Variants in WDR91 observed in about 807,000 individuals in gnomAD.
The protein encoded by WDR91 is WD repeat domain 91.
A neutral mutation model predicts 88.4 loss-of-function variants in WDR91; 52 were observed. That is an observed-to-expected ratio of 0.59 (90% CI 0.47 to 0.74). The LOEUF (loss-of-function observed/expected upper bound fraction) is 0.74. Among genes scored for constraint, WDR91 ranks in the 30% least tolerant of loss-of-function variants. The pLI is 0.00. For synonymous variants in WDR91, 362 were observed against 389.5 expected, an observed-to-expected ratio of 0.93 and a Z score of 0.83; for missense variants, 824 against 954.5, an observed-to-expected ratio of 0.86 and a Z score of 1.80.
intron 6 of WDR91, chr7:135,199,784 G>A (rs948593344): frequency 4.0e-5 from 6 of 151,852 alleles, no homozygotes; most frequent in Admixed American, 3.3e-4. Flanking sequence ...CCCCTCCACT[G>A]GATAATGGTG....
chr7:135,204,148 C>T (rs1182002378), intron 6 of WDR91, 120 bp downstream of exon 6: 8 of 1,152,912 alleles, frequency 6.9e-6, no homozygotes, highest in Non-Finnish European at 8.4e-6. Flanking sequence ...CATCAACATG[C>T]CCAAGAAATC....
rs1447032828 is a variant in WDR91, at chr7:135,183,912, A to G, written c.*2239T>C. The G allele has an allele frequency of 6.6e-6, 1 of 152,138 alleles. No homozygotes were observed. The highest frequency in any genetic ancestry group is 1.5e-5 in the Non-Finnish European group (1 of 68,028). The allele number at this position is 152,138 out of a possible 1,614,324, so 9.4% of individuals were successfully genotyped here. ...GTAAGAAGTGGGATGGGAGAAGCGTAGGGTTCAAATTTTCTTTGTGTCTCT... is the reference window on the plus strand; with the variant it reads ...GTAAGAAGTGGGATGGGAGAAGCGTGGGGTTCAAATTTTCTTTGTGTCTCT... On this transcript the variant is annotated 3_prime_UTR_variant, in exon 15 of 15. Transcript: ENST00000354475.
At position 135,202,312 on chromosome 7, in the gene WDR91, G is replaced by A. The variant is rs148941519; in HGVS notation, c.891+1956C>T. 12 of 152,236 alleles carry A rather than the reference G, an allele frequency of 7.9e-5. No homozygotes were observed. In the East Asian group the frequency reaches 2.1e-3, roughly 27 times the overall value. 9.4% of individuals were successfully genotyped at this position (152,236 alleles called of 1,614,324 possible). A position where few individuals can be genotyped will look rare whatever the true frequency, so the allele number is the denominator to read the frequency against. Reference sequence around the variant, plus strand: ...TCAAATCTACTAGTTATTTTTAGACGTGAAACATTAATGCTGAATCTAAAT... The same window carrying A: ...TCAAATCTACTAGTTATTTTTAGACATGAAACATTAATGCTGAATCTAAAT... On this transcript the variant is annotated intron_variant, in intron 6 of 14. Transcript: ENST00000354475.
Position 135,207,149 on chromosome 7 carries a change from G to T in WDR91, c.565C>A (p.Gln189Lys). The change falls in exon 4 of 15, where the codon CAA becomes AAA. Residue 189 changes from glutamine (Q) to lysine (K), a missense_variant. By Grantham distance (53) the Gln-to-Lys change is moderately conservative (BLOSUM62 1). Coordinates refer to ENST00000354475, the MANE Select transcript of WDR91 (RefSeq NM_014149.4). Reference sequence around the variant, plus strand: ...TGACGCAGAACTTCATTTTCTTCTTGAACCTGGTTAGTCCTCTGACACTCC... The same window carrying T: ...TGACGCAGAACTTCATTTTCTTCTTTAACCTGGTTAGTCCTCTGACACTCC... Reference protein sequence around the residue: ...DAECQRTNQVQEENEVLRQKL... With the variant: ...DAECQRTNQVKEENEVLRQKL... 1 of 1,608,206 alleles carries T rather than the reference G, an allele frequency of 6.2e-7. No individual in the cohort carries two copies. The highest frequency in any genetic ancestry group is 8.5e-7 in the Non-Finnish European group (1 of 1,175,914).
intron 9 of WDR91, among the ~76,000 whole-genome samples, chr7:135,194,102 A>G (rs1309682777): frequency 6.6e-6 from 1 of 152,082 alleles, no homozygotes; most frequent in Admixed American, 6.6e-5. Flanking sequence ...TTTTCAGGGG[A>G]CAGCTCTGGC....
Position 135,195,993 on chromosome 7 carries a change from C to A in WDR91, c.1244+151G>T, listed in dbSNP as rs1026498499. On this transcript the variant is annotated intron_variant, in intron 8 of 14. Transcript: ENST00000354475. The stretch of plus-strand genomic sequence containing the variant: ...GCAGACAGGCTGACCAGTCCACTGG[C>A]AGCTCCAACCGACTCCCATGACTCT... 3 of 645,412 alleles carry A rather than the reference C, an allele frequency of 4.6e-6. No individual in the cohort carries two copies. In the African/African-American group the frequency reaches 5.6e-5, roughly 12 times the overall value. The allele number at this position is 645,412 out of a possible 1,614,324, so 40.0% of individuals were successfully genotyped here.
At chr7:135,198,395 G>A (rs1831454392) in intron 6 of WDR91, 2 of 483,690 alleles carry the variant, frequency 4.1e-6, no homozygotes, top group East Asian at 6.4e-5. Flanking sequence ...TCTCTCATCT[G>A]GAGGAAGATG....
chr7:135,187,368 G>C (rs1268298366), intron 13 of WDR91, among the ~76,000 whole-genome samples, 199 bp from the exon 14 acceptor site: 1 of 152,222 alleles, frequency 6.6e-6, no homozygotes, highest in East Asian at 1.9e-4. Flanking sequence ...CCTATCTCTG[G>C]TCAACATGAT....
At chr7:135,194,626 G>A (rs1456470096) in intron 9 of WDR91, among the ~76,000 whole-genome samples, 2 of 152,214 alleles carry the variant, frequency 1.3e-5, no homozygotes, top group African/African-American at 4.8e-5. Flanking sequence ...TGAAACTGCA[G>A]CTGGAAACAC....
intron 6 of WDR91, among the ~76,000 whole-genome samples, chr7:135,204,014 C>T (rs561370608): frequency 1.3e-5 from 2 of 152,308 alleles, no homozygotes; most frequent in East Asian, 3.9e-4. Context: ...GTGGATTTTC[C>T]TCCTCCTCCT....
At chr7:135,201,049 A>C (rs904625837) in intron 6 of WDR91, among the ~76,000 whole-genome samples, 1 of 152,250 alleles carries the variant, frequency 6.6e-6, no homozygotes, top group Non-Finnish European at 1.5e-5. Flanking sequence ...GTGACCACTT[A>C]CTTCTCAGTA....
rs1830879724 is a variant in WDR91, at chr7:135,184,909, T to A, written c.*1242A>T. On this transcript the variant is annotated 3_prime_UTR_variant, in exon 15 of 15. Transcript: ENST00000354475. ...CATAACCCAAAACTTTTTTTTTTTT[T>A]GAGTTGGGTTCTCCCAGTGGCGTGA... 6.8e-6 allele frequency: 1 copy of A among 146,346 alleles called. No homozygotes were observed. Among genetic ancestry groups the A allele is most frequent in the Admixed American group, 6.8e-5 (1 of 14,644 alleles). The allele number at this position is 146,346 out of a possible 1,614,324, so 9.1% of individuals were successfully genotyped here. A position where few individuals can be genotyped will look rare whatever the true frequency, so the allele number is the denominator to read the frequency against.
chr7:135,205,935 A>C lies in WDR91; in HGVS notation c.718T>G (p.Ser240Ala), dbSNP rs1831756734. ...YVSNMDRLGD[S>A]ELAMVCSQRN... is the part of the protein sequence containing the mutation. ...GCCGTCACACACACTCACAGTTCCGAGTCCCCCAGGCGGTCCATGTTGGAG... is the reference window on the plus strand; with the variant it reads ...GCCGTCACACACACTCACAGTTCCGCGTCCCCCAGGCGGTCCATGTTGGAG... The change falls in exon 5 of 15, where the codon TCG (serine) becomes GCG (alanine). Residue 240 changes from serine to alanine, a missense_variant. Physicochemically the swap from Ser to Ala is moderately conservative, Grantham distance 99. Transcript: ENST00000354475. 2.5e-6 allele frequency: 4 copies of C among 1,613,498 alleles called. No homozygotes were observed. The African/African-American group carries it at 5.3e-5, about 22-fold the overall frequency.
intron 2 of WDR91, among the ~76,000 whole-genome samples, chr7:135,209,208 C>T (rs1242086046): frequency 6.6e-6 from 1 of 152,186 alleles, no homozygotes; most frequent in Non-Finnish European, 1.5e-5. Flanking sequence ...AATGATAAAT[C>T]CCATCCTAAA....
Position 135,189,470 on chromosome 7 carries a change from A to T in WDR91, c.1660-18T>A. On this transcript the variant is annotated intron_variant, in intron 11 of 14. Coordinates refer to ENST00000354475, the MANE Select transcript of WDR91 (RefSeq NM_014149.4). ...AACTGGAGCTATTGAAATAAAACAAAAATGTCAGTAGCAGATCTTCACTCA... is the reference window on the plus strand; with the variant it reads ...AACTGGAGCTATTGAAATAAAACAATAATGTCAGTAGCAGATCTTCACTCA... 6.2e-7 allele frequency: 1 copy of T among 1,603,776 alleles called. No individual in the cohort carries two copies. The highest frequency in any genetic ancestry group is 8.5e-7 in the Non-Finnish European group (1 of 1,170,926).
chr7:135,196,014 A>T lies in WDR91; in HGVS notation c.1244+130T>A. 1 of 861,590 alleles carries T rather than the reference A, an allele frequency of 1.2e-6. No individual in the cohort carries two copies. Among genetic ancestry groups the T allele is most frequent in the Non-Finnish European group, 1.7e-6 (1 of 597,586 alleles). The allele number at this position is 861,590 out of a possible 1,614,324, so 53.4% of individuals were successfully genotyped here. On this transcript the variant is annotated intron_variant, in intron 8 of 14. Transcript: ENST00000354475. The surrounding 1 kb of genome is among the most constrained non-coding windows in gnomAD (Gnocchi z 4.2). ...CTGGCAGCTCCAACCGACTCCCATGACTCTACTGCCATGACTGTGGCCCTC... is the reference window on the plus strand; with the variant it reads ...CTGGCAGCTCCAACCGACTCCCATGTCTCTACTGCCATGACTGTGGCCCTC...
chr7:135,197,777 C>G (rs1220296217), intron 7 of WDR91: 1 of 542,032 alleles, frequency 1.8e-6, no homozygotes, highest in Admixed American at 3.4e-5. Flanking sequence ...ATTTTCTGGC[C>G]CCTACTTAGG....
chr7:135,186,350 C>CA (rs761350771), intron 14 of WDR91, 35 bp from the exon 15 acceptor site: 2 of 1,601,946 alleles, frequency 1.2e-6, no homozygotes, highest in African/African-American at 2.7e-5. Flanking sequence ...GAGGTGTCAG[C>CA]AAACACCAGT....
At chr7:135,194,812 TC>T in intron 9 of WDR91, 121 bp downstream of exon 9, 1 of 1,343,040 alleles carries the variant, frequency 7.4e-7, no homozygotes, top group Non-Finnish European at 1.0e-6. Flanking sequence ...TGTCCCTGAA[TC>T]CCCAATAATG....
Sources: gnomAD v4.1 joint callset for allele counts (sites outside exome capture counted in the v4.1 genomes callset) on GRCh38, gnomAD v4.1.1 for gene constraint, Gnocchi (gnomAD v3.1) non-coding constraint, MANE v1.5 for transcripts, NCBI Gene and HGNC (gene_info 2026-07-23, HGNC 2026-07-21) for gene names.